The following UBE2E2 variants were observed in gnomAD, a reference collection of about 807,000 sequenced individuals.
The protein encoded by UBE2E2 is ubiquitin conjugating enzyme E2 E2, also known as ubiquitin-conjugating enzyme E2 E2.
In UBE2E2, 6 loss-of-function variants were observed where a neutral mutation model predicts 24.7. The observed-to-expected ratio is 0.24, with a 90% CI of 0.13 to 0.48. The LOEUF (loss-of-function observed/expected upper bound fraction) is 0.48, where lower values mean the gene tolerates loss of function less well. UBE2E2 is among the 20% of genes least tolerant of loss of function. The probability of loss-of-function intolerance (pLI) is 0.99; values close to 1 mark genes in which losing one functional copy is unlikely to be tolerated. For missense variants in UBE2E2, 169 were observed against 245.0 expected (o/e 0.69, Z 2.07); for synonymous variants, 104 against 83.6 (o/e 1.24, Z -1.33).
At chr3:23,227,422 T>G (rs1378753937) in intron 3 of UBE2E2, among the ~76,000 whole-genome samples, 1 of 152,202 alleles carries the variant, frequency 6.6e-6, no homozygotes, top group Non-Finnish European at 1.5e-5. Context: ...AACTGAAAGT[T>G]TATGTGAATG....
chr3:23,553,560 A>G (rs578100420), intron 5 of UBE2E2, among the ~76,000 whole-genome samples: 12 of 152,272 alleles, frequency 7.9e-5, no homozygotes, highest in African/African-American at 2.9e-4. Flanking sequence ...GCTGAAGGAA[A>G]TGGTTTCATT....
intron 3 of UBE2E2, among the ~76,000 whole-genome samples, chr3:23,484,172 A>G (rs936581873): frequency 6.6e-6 from 1 of 152,146 alleles, no homozygotes; most frequent in African/African-American, 2.4e-5. Context: ...TTTTCCATGA[A>G]GTGCCTTTAG....
intron 3 of UBE2E2, among the ~76,000 whole-genome samples, chr3:23,313,866 G>A (rs1321561339): frequency 1.3e-5 from 2 of 151,982 alleles, no homozygotes; most frequent in Admixed American, 1.3e-4. Context: ...TTTAGTGAGG[G>A]TGATTTTCTC....
intron 3 of UBE2E2, among the ~76,000 whole-genome samples, chr3:23,499,097 C>T (rs1186941594): frequency 6.6e-6 from 1 of 152,156 alleles, no homozygotes; most frequent in Non-Finnish European, 1.5e-5. Context: ...CCTCTACAGA[C>T]CTCATTGGTC....
chr3:23,237,562 A>G (rs1259774690), intron 3 of UBE2E2, among the ~76,000 whole-genome samples: 2 of 151,942 alleles, frequency 1.3e-5, no homozygotes, highest in African/African-American at 4.8e-5. Context: ...GATCACATGG[A>G]CTCTTTTATT....
At chr3:23,244,829 A>G (rs1164709535) in intron 3 of UBE2E2, among the ~76,000 whole-genome samples, 3 of 152,178 alleles carry the variant, frequency 2.0e-5, no homozygotes, top group South Asian at 2.1e-4. Context: ...GCTCTTTTAT[A>G]CAAATGAATA....
chr3:23,257,599 A>G (rs1196713548), intron 3 of UBE2E2, among the ~76,000 whole-genome samples: 4 of 127,454 alleles, frequency 3.1e-5, no homozygotes, highest in African/African-American at 1.2e-4. Flanking sequence ...TCTAATTCCT[A>G]GGCACAAGTG....
At chr3:23,470,233 G>T (rs1003960792) in intron 3 of UBE2E2, among the ~76,000 whole-genome samples, 5 of 152,162 alleles carry the variant, frequency 3.3e-5, no homozygotes, top group Admixed American at 2.6e-4. Flanking sequence ...GTTGGCCAAA[G>T]TTCTGAGTAT....
chr3:23,264,072 T>C (rs1014596643), intron 3 of UBE2E2, among the ~76,000 whole-genome samples: 1 of 152,174 alleles, frequency 6.6e-6, no homozygotes, highest in Non-Finnish European at 1.5e-5. Context: ...AATCGTATGA[T>C]GTAGGTACTA....
At chr3:23,500,006 A>G (rs1458244158) in intron 4 of UBE2E2, among the ~76,000 whole-genome samples, 1 of 152,140 alleles carries the variant, frequency 6.6e-6, no homozygotes, top group Non-Finnish European at 1.5e-5. Flanking sequence ...ATGTAACATT[A>G]AAACACCATG....
intron 3 of UBE2E2, among the ~76,000 whole-genome samples, chr3:23,279,058 A>G (rs1486283780): frequency 6.6e-6 from 1 of 152,150 alleles, no homozygotes; most frequent in Non-Finnish European, 1.5e-5. Flanking sequence ...AATGTTTTAA[A>G]GGTAAAAAGT....
chr3:23,567,828 A>T (rs1696112986), intron 5 of UBE2E2, among the ~76,000 whole-genome samples: 1 of 152,198 alleles, frequency 6.6e-6, no homozygotes, highest in Admixed American at 6.5e-5. Flanking sequence ...TATATCCTAG[A>T]CACTTTGTTG....
chr3:23,276,881 A>T (rs1396794691), intron 3 of UBE2E2, among the ~76,000 whole-genome samples: 2 of 152,150 alleles, frequency 1.3e-5, no homozygotes, highest in Non-Finnish European at 2.9e-5. Flanking sequence ...CATAGTATTA[A>T]TATTTTAGCA....
intron 3 of UBE2E2, among the ~76,000 whole-genome samples, chr3:23,269,041 C>T (rs1698153337): frequency 6.6e-6 from 1 of 151,760 alleles, no homozygotes; most frequent in Admixed American, 6.5e-5. Flanking sequence ...ACACCTTATA[C>T]AAAAATTAAT....
chr3:23,512,429 G>A (rs1694620695), intron 4 of UBE2E2, among the ~76,000 whole-genome samples: 1 of 151,686 alleles, frequency 6.6e-6, no homozygotes, highest in Non-Finnish European at 1.5e-5. Flanking sequence ...ATGTTGTCAC[G>A]GGCTGATCTC....
At chr3:23,542,610 TAAA>T (rs1559416389) in intron 5 of UBE2E2, among the ~76,000 whole-genome samples, 1 of 152,240 alleles carries the variant, frequency 6.6e-6, no homozygotes, top group Non-Finnish European at 1.5e-5. Flanking sequence ...CATTCCTTAA[TAAA>T]ATGTATTTTC....
chr3:23,214,153 TTCA>T (rs1696405445), intron 2 of UBE2E2, among the ~76,000 whole-genome samples: 1 of 152,178 alleles, frequency 6.6e-6, no homozygotes, highest in South Asian at 2.1e-4. Flanking sequence ...ACTTCTTGAA[TTCA>T]TCAGTAAATT....
chr3:23,427,623 T>G (rs1029966103), intron 3 of UBE2E2, among the ~76,000 whole-genome samples: 2 of 152,198 alleles, frequency 1.3e-5, no homozygotes, highest in East Asian at 3.8e-4. Context: ...GTCAAGAGAT[T>G]GTCAGCATGG....
chr3:23,521,358 A>G (rs1694861426), intron 4 of UBE2E2, among the ~76,000 whole-genome samples: 1 of 152,236 alleles, frequency 6.6e-6, no homozygotes, highest in African/African-American at 2.4e-5. Flanking sequence ...CATGCTTTAC[A>G]TGGAATCCAT....
Sources: allele counts gnomAD v4.1 joint callset (sites outside exome capture counted in the v4.1 genomes callset), GRCh38; gene constraint gnomAD v4.1.1; transcripts MANE v1.5; gene names NCBI Gene and HGNC (gene_info 2026-07-23, HGNC 2026-07-21).